Variants in NRXN3 observed in about 807,000 individuals in gnomAD.
NRXN3 encodes the protein neurexin 3.
In NRXN3, 32 loss-of-function variants were observed where a neutral mutation model predicts 137.6. The ratio of observed to expected loss-of-function variants is 0.23; its 90% CI spans 0.18 to 0.31. NRXN3 has a LOEUF of 0.31. NRXN3 is among the 10% of genes least tolerant of loss of function. NRXN3 has a pLI of 1.00. For missense variants in NRXN3, 1,574 were observed against 2,062.5 expected (o/e 0.76, Z 4.59); for synonymous variants, 798 against 784.5 (o/e 1.02, Z -0.29).
intron 2 of NRXN3, among the ~76,000 whole-genome samples, chr14:78,258,606 A>G (rs1306721853): frequency 6.6e-6 from 1 of 152,208 alleles, no homozygotes; most frequent in Non-Finnish European, 1.5e-5. Flanking sequence ...AGGAATCCAT[A>G]AGATAGACTA....
rs75009993 is a variant in NRXN3 at position 79,104,461 on chromosome 14, A to G, written c.3262+116320A>G. Reference sequence around the variant, plus strand: ...ACTTCCAGCCCACTCGTTCTCTTCTATGATAAAGACTATGACTCTGGTAAA... The same window carrying G: ...ACTTCCAGCCCACTCGTTCTCTTCTGTGATAAAGACTATGACTCTGGTAAA... On this transcript the variant is annotated intron_variant, in intron 15 of 20. Coordinates refer to ENST00000335750, the MANE Select transcript of NRXN3 (RefSeq NM_001330195.2). 4.2e-3 allele frequency among the ~76,000 whole-genome samples: 641 copies of G among 152,298 alleles called. 3 individuals are homozygous for G. Among genetic ancestry groups the G allele is most frequent in the African/African-American group, 0.014 (601 of 41,588 alleles).
At chr14:78,279,353 C>T (rs904635939) in intron 3 of NRXN3, among the ~76,000 whole-genome samples, 2 of 152,296 alleles carry the variant, frequency 1.3e-5, no homozygotes, top group Middle Eastern at 6.8e-3. Flanking sequence ...TATGCACACA[C>T]ACATACATAG....
Position 78,539,591 on chromosome 14 carries a change from T to C in NRXN3, c.758-105529T>C, listed in dbSNP as rs369588308. On this transcript the variant is annotated intron_variant, in intron 4 of 20. Transcript: ENST00000335750. ...GGATTCATTAATTTTTTGAAGGGTT[T>C]TTTGTGTCTCTTTCTCTTTCAGTTC... Among the ~76,000 whole-genome samples the C allele has an allele frequency of 1.1e-3, 162 of 152,326 alleles. 2 individuals carry two copies. The highest frequency in any genetic ancestry group is 2.7e-3 in the African/African-American group (113 of 41,580).
intron 15 of NRXN3, among the ~76,000 whole-genome samples, chr14:79,081,484 T>G (rs542611194): frequency 2.6e-5 from 4 of 152,100 alleles, no homozygotes; most frequent in Admixed American, 2.6e-4. Flanking sequence ...TGTGGTGGCA[T>G]GCACCTGTAG....
At chr14:79,261,309 T>G (rs533367979) in intron 15 of NRXN3, among the ~76,000 whole-genome samples, 32 of 152,228 alleles carry the variant, frequency 2.1e-4, no homozygotes, top group African/African-American at 7.7e-4. Flanking sequence ...GTGAGCAAAG[T>G]TGAATGAGAT....
At chr14:78,442,705 C>T (rs2094298737) in intron 4 of NRXN3, among the ~76,000 whole-genome samples, 1 of 152,126 alleles carries the variant, frequency 6.6e-6, no homozygotes, top group Non-Finnish European at 1.5e-5. Flanking sequence ...TCATACAATC[C>T]AAGTCCTGTT....
chr14:79,450,203 C>T (rs1363235060), intron 15 of NRXN3, among the ~76,000 whole-genome samples: 1 of 151,934 alleles, frequency 6.6e-6, no homozygotes, highest in African/African-American at 2.4e-5. Flanking sequence ...TAACATTTAT[C>T]TACTCAGGTA....
intron 4 of NRXN3, among the ~76,000 whole-genome samples, chr14:78,504,845 G>A (rs2095953397): frequency 6.6e-6 from 1 of 152,070 alleles, no homozygotes; most frequent in Non-Finnish European, 1.5e-5. Context: ...CCATTTTACA[G>A]AAGATGTCTA....
intron 4 of NRXN3, among the ~76,000 whole-genome samples, chr14:78,549,145 ATT>A (rs1178937700): frequency 2.0e-5 from 3 of 151,946 alleles, no homozygotes; most frequent in African/African-American, 7.3e-5. Flanking sequence ...CATAGATTTT[ATT>A]TTTTCATTTA....
At chr14:79,395,333 C>T (rs1222379693) in intron 15 of NRXN3, among the ~76,000 whole-genome samples, 1 of 152,068 alleles carries the variant, frequency 6.6e-6, no homozygotes. Flanking sequence ...GAACTTCTGC[C>T]TTGCTTGGTA....
intron 4 of NRXN3, among the ~76,000 whole-genome samples, chr14:78,363,770 G>A (rs1252245462): frequency 3.9e-5 from 6 of 152,198 alleles, no homozygotes; most frequent in Non-Finnish European, 7.3e-5. Context: ...AAGGGCATAC[G>A]ATTCTGAAAT....
At chr14:79,759,929 T>G (rs2099032696) in intron 19 of NRXN3, among the ~76,000 whole-genome samples, 1 of 151,756 alleles carries the variant, frequency 6.6e-6, no homozygotes, top group Non-Finnish European at 1.5e-5. Flanking sequence ...TTTTAGCTTC[T>G]GAATTTGACA....
chr14:79,552,608 T>G (rs2097384466), intron 16 of NRXN3, among the ~76,000 whole-genome samples: 1 of 152,074 alleles, frequency 6.6e-6, no homozygotes, highest in South Asian at 2.1e-4. Flanking sequence ...TTAAATACCC[T>G]TTTCATAGGG....
chr14:79,585,078 G>A (rs114794167), intron 16 of NRXN3, among the ~76,000 whole-genome samples: 163 of 152,276 alleles, frequency 1.1e-3, no homozygotes, highest in African/African-American at 3.8e-3. Context: ...ATGGAGATGG[G>A]CCGTTCAAGT....
At chr14:79,774,166 G>T (rs1214503696) in intron 19 of NRXN3, among the ~76,000 whole-genome samples, 3 of 152,116 alleles carry the variant, frequency 2.0e-5, no homozygotes, top group Non-Finnish European at 2.9e-5. Flanking sequence ...CTAACCAAAA[G>T]ATTAGTTATT....
chr14:79,491,421 C>T (rs2153657222), intron 16 of NRXN3, among the ~76,000 whole-genome samples: 1 of 152,258 alleles, frequency 6.6e-6, no homozygotes, highest in East Asian at 1.9e-4. Flanking sequence ...TCAGCTTCTC[C>T]ATTCACATGT....
intron 4 of NRXN3, among the ~76,000 whole-genome samples, chr14:78,337,772 G>C (rs1272931696): frequency 6.6e-6 from 1 of 152,140 alleles, no homozygotes; most frequent in Non-Finnish European, 1.5e-5. Flanking sequence ...TACTGATATT[G>C]TTCTCCCAGG....
chr14:78,600,444 C>A (rs2097193331), intron 4 of NRXN3, among the ~76,000 whole-genome samples: 1 of 152,186 alleles, frequency 6.6e-6, no homozygotes, highest in African/African-American at 2.4e-5. Context: ...ATGTTTGTAC[C>A]TAATTACAGA....
chr14:78,813,838 C>T (rs2098922881), intron 10 of NRXN3, among the ~76,000 whole-genome samples: 1 of 152,162 alleles, frequency 6.6e-6, no homozygotes, highest in African/African-American at 2.4e-5. Context: ...GGAAAAAAAG[C>T]AGTTTTCTTC....
Sources: gnomAD v4.1 joint callset for allele counts (sites outside exome capture counted in the v4.1 genomes callset) on GRCh38, gnomAD v4.1.1 for gene constraint, MANE v1.5 for transcripts, NCBI Gene and HGNC (gene_info 2026-07-23, HGNC 2026-07-21) for gene names.